Variants in MCEE observed in about 807,000 individuals in gnomAD.
MCEE encodes methylmalonyl-CoA epimerase, also known as methylmalonyl-CoA epimerase, mitochondrial.
A neutral mutation model predicts 12.9 loss-of-function variants in MCEE; 6 were observed. The observed-to-expected ratio is 0.47, with a 90% CI of 0.26 to 0.92. The LOEUF is 0.92. Ranked by LOEUF, MCEE falls within the 40% of genes least tolerant of loss-of-function variation. MCEE has a pLI of 0.16. For missense variants in MCEE, 214 were observed against 212.1 expected, an observed-to-expected ratio of 1.01 and a Z score of -0.05; for synonymous variants, 78 against 77.9, an observed-to-expected ratio of 1.00 and a Z score of -0.01.
chr2:71,114,728 T>C (rs1470421888), intron 2 of MCEE, among the ~76,000 whole-genome samples: 5 of 152,230 alleles, frequency 3.3e-5, no homozygotes, highest in Non-Finnish European at 5.9e-5. Flanking sequence ...ACCGTGGTTA[T>C]TTTTGTATTT....
intron 1 of MCEE, among the ~76,000 whole-genome samples, chr2:71,125,206 TATATA>T (rs1242898629): frequency 6.0e-5 from 4 of 67,100 alleles, no homozygotes; most frequent in African/African-American, 2.6e-4. Context: ...TATATATATA[TATATA>T]TTTTTTTTTT....
At chr2:71,124,123 G>A (rs1673163645) in intron 2 of MCEE, 83 bp downstream of exon 2, 1 of 1,027,550 alleles carries the variant, frequency 9.7e-7, no homozygotes, top group African/African-American at 1.6e-5. Flanking sequence ...TCTAATGACA[G>A]TGACCATAAA....
intron 2 of MCEE, among the ~76,000 whole-genome samples, chr2:71,112,992 G>A (rs1186032586): frequency 2.0e-5 from 3 of 151,980 alleles, no homozygotes; most frequent in Non-Finnish European, 2.9e-5. Flanking sequence ...TGGAATTCTA[G>A]TTTCTAGAAC....
intron 2 of MCEE, among the ~76,000 whole-genome samples, chr2:71,119,771 C>T (rs776628505): frequency 6.7e-5 from 10 of 149,964 alleles, no homozygotes; most frequent in South Asian, 2.1e-4. Flanking sequence ...TAGAATTGTG[C>T]GGCTGAGCAT....
At chr2:71,126,568 C>CAAAAAAAAAAAAAAAAAAAAAAAA (rs70959207) in intron 1 of MCEE, among the ~76,000 whole-genome samples, 1 of 72,140 alleles carries the variant, frequency 1.4e-5, no homozygotes, top group Non-Finnish European at 2.5e-5. Flanking sequence ...TACATTTTAC[C>CAAAAAAAAAAAAAAAAAAAAAAAA]AAAAAAAAAA....
chr2:71,110,978 T>C (rs571320919), intron 2 of MCEE: 38 of 152,270 alleles, frequency 2.5e-4, no homozygotes, highest in African/African-American at 9.1e-4. Context: ...CAGAGACTAG[T>C]TTAACACCCA....
intron 2 of MCEE, chr2:71,116,623 T>C (rs1189725360): frequency 2.7e-5 from 4 of 148,490 alleles, no homozygotes; most frequent in Non-Finnish European, 5.9e-5. Context: ...CTCAGTTCAC[T>C]GCAACCTCCG....
intron 2 of MCEE, among the ~76,000 whole-genome samples, chr2:71,115,787 T>TG (rs1672978529): frequency 3.0e-5 from 1 of 33,008 alleles, no homozygotes; most frequent in East Asian, 8.5e-4. Flanking sequence ...GGACACAGGG[T>TG]GGGGAGTCAT....
chr2:71,116,209 T>C (rs560561258), intron 2 of MCEE, among the ~76,000 whole-genome samples: 1 of 149,746 alleles, frequency 6.7e-6, no homozygotes, highest in Non-Finnish European at 1.5e-5. Context: ...GCCTCCCAAG[T>C]AGTAGGTGCC....
At chr2:71,116,610 G>A (rs1487440340) in intron 2 of MCEE, among the ~76,000 whole-genome samples, 3 of 145,726 alleles carry the variant, frequency 2.1e-5, no homozygotes, top group Non-Finnish European at 4.4e-5. Flanking sequence ...GCAGTGGTGC[G>A]ATCTCAGTTC....
intron 1 of MCEE, among the ~76,000 whole-genome samples, chr2:71,127,111 G>A (rs1216818257): frequency 2.0e-5 from 3 of 152,186 alleles, no homozygotes; most frequent in Non-Finnish European, 4.4e-5. Context: ...AAAAACAGAA[G>A]TGTTAATAAA....
chr2:71,120,874 A>G (rs1191793010), intron 2 of MCEE, among the ~76,000 whole-genome samples: 1 of 152,082 alleles, frequency 6.6e-6, no homozygotes, highest in Non-Finnish European at 1.5e-5. Flanking sequence ...AGTAGCTGGA[A>G]TTACAGGTGT....
intron 1 of MCEE, among the ~76,000 whole-genome samples, chr2:71,126,107 C>T (rs913740621): frequency 2.0e-5 from 3 of 152,152 alleles, no homozygotes; most frequent in Non-Finnish European, 4.4e-5. Flanking sequence ...ACCTTGGCTT[C>T]CCAAAGTGCT....
At chr2:71,127,620 C>T (rs1673264705) in intron 1 of MCEE, among the ~76,000 whole-genome samples, 1 of 150,096 alleles carries the variant, frequency 6.7e-6, no homozygotes, top group Non-Finnish European at 1.5e-5. Context: ...AATTTTAGAA[C>T]ACGTAATAAG....
At chr2:71,114,961 C>T (rs1330554355) in intron 2 of MCEE, among the ~76,000 whole-genome samples, 2 of 152,102 alleles carry the variant, frequency 1.3e-5, no homozygotes, top group Non-Finnish European at 2.9e-5. Flanking sequence ...TCCTATGCTA[C>T]ATGTGATTAT....
intron 1 of MCEE, among the ~76,000 whole-genome samples, chr2:71,125,907 C>T (rs1229821500): frequency 6.6e-6 from 1 of 152,154 alleles, no homozygotes. Context: ...CAACCGAGTA[C>T]ACATATACAT....
In MCEE at chr2:71,124,458, C is replaced by T; in HGVS notation, c.126G>A (p.Val42=). The change falls in exon 2 of 3, where the codon GTG becomes GTA. Residue 42 remains valine (V), a synonymous_variant. Transcript: ENST00000244217. ...CATGGTTGAGTCGACCCAGGTTCCA[C>T]ACAGAACCTGTCACTTGATCCAAGG... ...SQPLDQVTGS[V]WNLGRLNHVA... is the part of the protein sequence containing the mutation. 3.7e-6 allele frequency: 6 copies of T among 1,614,052 alleles called. No homozygotes were observed. The highest frequency in any genetic ancestry group is 1.3e-5 in the African/African-American group (1 of 75,046).
At chr2:71,117,910 C>G (rs1260065451) in intron 2 of MCEE, among the ~76,000 whole-genome samples, 3 of 149,832 alleles carry the variant, frequency 2.0e-5, no homozygotes, top group African/African-American at 7.6e-5. Context: ...CTGCACTCAT[C>G]ACCCTCCATG....
intron 2 of MCEE, among the ~76,000 whole-genome samples, chr2:71,121,339 T>C (rs534598102): frequency 6.6e-6 from 1 of 152,330 alleles, no homozygotes; most frequent in South Asian, 2.1e-4. Context: ...AGCAACCTTG[T>C]AAGTCATGTG....
Sources: gnomAD v4.1 joint callset for allele counts (sites outside exome capture counted in the v4.1 genomes callset) on GRCh38, gnomAD v4.1.1 for gene constraint, MANE v1.5 for transcripts, NCBI Gene and HGNC (gene_info 2026-07-23, HGNC 2026-07-21) for gene names.